Variants in NOS1AP observed in about 807,000 individuals in gnomAD.
NOS1AP encodes carboxyl-terminal PDZ ligand of neuronal nitric oxide synthase protein.
Under a neutral mutation model 56.2 loss-of-function variants are expected in NOS1AP, and 21 were observed. The observed-to-expected ratio is 0.37, with a 90% CI of 0.26 to 0.54. The LOEUF (loss-of-function observed/expected upper bound fraction) is 0.54, where lower values mean the gene tolerates loss of function less well. NOS1AP is among the 20% of genes least tolerant of loss of function. The pLI, the probability that NOS1AP is intolerant of heterozygous loss-of-function variation, is 0.84. For synonymous variants in NOS1AP, 270 were observed against 274.6 expected (o/e 0.98, Z 0.17); for missense variants, 522 against 657.8 (o/e 0.79, Z 2.26).
chr1:162,367,097 C>T lies in NOS1AP; in HGVS notation c.1151C>T (p.Ala384Val). The change falls in exon 10 of 10, where the codon GCC becomes GTC. Residue 384 changes from alanine (A) to valine (V), a missense_variant. Coordinates refer to ENST00000361897, the MANE Select transcript of NOS1AP (RefSeq NM_014697.3). This position sits in a 1 kb window ranked among gnomAD's most constrained non-coding sequence, Gnocchi z 6.5. ...CTGGAGATCACCTTCCGCTCCGGAG[C>T]CCTGCCCGTGCTCTGTGACCCCACG... ...SLLEITFRSG[A>V]LPVLCDPTTP... 2 of 1,613,968 alleles carry T rather than the reference C, an allele frequency of 1.2e-6. No individual in the cohort carries two copies. The highest frequency in any genetic ancestry group is 8.5e-7 in the Non-Finnish European group (1 of 1,180,012).
chr1:162,191,642 C>G (rs936177325), intron 2 of NOS1AP, among the ~76,000 whole-genome samples: 1 of 152,132 alleles, frequency 6.6e-6, no homozygotes, highest in Non-Finnish European at 1.5e-5. Flanking sequence ...TCCTAGATAG[C>G]TGGCTACATT....
intron 2 of NOS1AP, among the ~76,000 whole-genome samples, chr1:162,227,361 G>A (rs1652980217): frequency 6.6e-6 from 1 of 152,104 alleles, no homozygotes; most frequent in Admixed American, 6.6e-5. Context: ...CAAACACATA[G>A]GAACAATTTT....
intron 5 of NOS1AP, among the ~76,000 whole-genome samples, 190 bp from the exon 6 acceptor site, chr1:162,343,645 A>T (rs16860492): frequency 0.023 from 3,556 of 152,350 alleles, 59 homozygotes; most frequent in Middle Eastern, 0.041. Flanking sequence ...TGATTGTTTC[A>T]GCACTGTGGT....
intron 4 of NOS1AP, among the ~76,000 whole-genome samples, chr1:162,316,339 T>G (rs533426070): frequency 2.0e-5 from 3 of 152,332 alleles, no homozygotes; most frequent in Admixed American, 6.5e-5. Flanking sequence ...TTGTTCAGCT[T>G]TGCTCAGGAA....
At chr1:162,154,516 AGT>A in intron 2 of NOS1AP, 40 bp downstream of exon 2, 1 of 1,602,800 alleles carries the variant, frequency 6.2e-7, no homozygotes, top group Non-Finnish European at 8.5e-7. Context: ...CGGGGAGTCA[AGT>A]GCCTTAGCTG....
chr1:162,312,954 C>T (rs2661813), intron 4 of NOS1AP, among the ~76,000 whole-genome samples: 82,410 of 150,380 alleles, frequency 0.55, 22,777 homozygotes, highest in South Asian at 0.59. Flanking sequence ...AAACTCTCAA[C>T]AAATTAGGTA....
At chr1:162,286,528 G>A (rs1655093764) in intron 2 of NOS1AP, among the ~76,000 whole-genome samples, 1 of 152,228 alleles carries the variant, frequency 6.6e-6, no homozygotes, top group African/African-American at 2.4e-5. Context: ...TATACCACCA[G>A]TTATGAATAG....
At position 162,070,099 on chromosome 1, in the gene NOS1AP, C is replaced by T; in HGVS notation, c.-79C>T. The stretch of plus-strand genomic sequence containing the variant: ...CGCCACGCGTCGCCGCGCCCAGCTC[C>T]AGTCTCCCCTCCCCGGGGTCTCGCC... On this transcript the variant is annotated 5_prime_UTR_variant, in exon 1 of 10. Coordinates refer to ENST00000361897, the MANE Select transcript of NOS1AP (RefSeq NM_014697.3). 8.5e-7 allele frequency: 1 copy of T among 1,182,276 alleles called. No individual in the cohort carries two copies. The highest frequency in any genetic ancestry group is 1.3e-6 in the Non-Finnish European group (1 of 796,322). 73.2% of individuals were successfully genotyped at this position (1,182,276 alleles called of 1,614,324 possible).
intron 2 of NOS1AP, among the ~76,000 whole-genome samples, chr1:162,266,585 A>G (rs1392236902): frequency 1.3e-5 from 2 of 152,136 alleles, no homozygotes; most frequent in Non-Finnish European, 2.9e-5. Context: ...ATTACTTTTT[A>G]ATTTTGCATT....
intron 2 of NOS1AP, among the ~76,000 whole-genome samples, chr1:162,217,205 T>G (rs1008195886): frequency 4.0e-5 from 6 of 150,668 alleles, no homozygotes; most frequent in African/African-American, 1.5e-4. Flanking sequence ...TGGGTCCAAA[T>G]TGGTACTCTT....
chr1:162,154,962 G>A (rs1571071469), intron 2 of NOS1AP, among the ~76,000 whole-genome samples: 1 of 152,160 alleles, frequency 6.6e-6, no homozygotes, highest in Non-Finnish European at 1.5e-5. Flanking sequence ...TATAATGGAA[G>A]CTTTTATTAG....
At position 162,082,111 on chromosome 1, in the gene NOS1AP, G is replaced by T. The variant is rs539826561; in HGVS notation, c.105+11829G>T. Among the ~76,000 whole-genome samples, 4 of 151,840 alleles carry T rather than the reference G, an allele frequency of 2.6e-5. No homozygotes were observed. In the South Asian group the frequency reaches 8.3e-4, roughly 32 times the overall value. On this transcript the variant is annotated intron_variant, in intron 1 of 9. Transcript: ENST00000361897. ...CCCAACCTCTACCCTCTGAAAGGCC[G>T]CAGTGTGTGGTGTTCCCCTCTATGT...
chr1:162,099,639 T>TTTA (rs35911668), intron 1 of NOS1AP, among the ~76,000 whole-genome samples: 140,672 of 151,838 alleles, frequency 0.93, 65,446 homozygotes, highest in East Asian at 1. Context: ...TTTTTTAAAT[T>TTTA]TTATTATCAT....
chr1:162,079,388 A>T (rs1691838991), intron 1 of NOS1AP, among the ~76,000 whole-genome samples: 1 of 152,096 alleles, frequency 6.6e-6, no homozygotes. Context: ...TAATGAATTG[A>T]TGTCTTTTTT....
At position 162,142,135 on chromosome 1, in the gene NOS1AP, A is replaced by G. The variant is rs75514736; in HGVS notation, c.106-12270A>G. ...AAACAGATATTAACTCACAACTCTG[A>G]TAAGTGGAACCAGGTATAACAGGGA... On this transcript the variant is annotated intron_variant, in intron 1 of 9. Transcript: ENST00000361897. 2.4e-3 allele frequency among the ~76,000 whole-genome samples: 359 copies of G among 152,338 alleles called. 3 individuals carry two copies. The highest frequency in any genetic ancestry group is 8.2e-3 in the African/African-American group (342 of 41,590).
chr1:162,327,883 A>G (rs2101789044), intron 4 of NOS1AP, among the ~76,000 whole-genome samples: 1 of 152,386 alleles, frequency 6.6e-6, no homozygotes, highest in East Asian at 1.9e-4. Flanking sequence ...GATGGAACTC[A>G]TATTTATTGA....
At chr1:162,193,824 T>C (rs1339896764) in intron 2 of NOS1AP, among the ~76,000 whole-genome samples, 1 of 152,190 alleles carries the variant, frequency 6.6e-6, no homozygotes, top group African/African-American at 2.4e-5. Context: ...TTCCTCTCAG[T>C]ATTAGGTTCT....
At chr1:162,299,732 C>A (rs1655580108) in intron 3 of NOS1AP, among the ~76,000 whole-genome samples, 1 of 152,078 alleles carries the variant, frequency 6.6e-6, no homozygotes, top group Non-Finnish European at 1.5e-5. Flanking sequence ...GGTGTTTAAT[C>A]AAAATTCAGG....
intron 2 of NOS1AP, among the ~76,000 whole-genome samples, chr1:162,261,699 C>T (rs1379094742): frequency 2.0e-5 from 3 of 152,092 alleles, no homozygotes; most frequent in African/African-American, 4.8e-5. Context: ...CCAGAAGGAA[C>T]GCATCCCTGC....
Sources: allele counts gnomAD v4.1 joint callset (sites outside exome capture counted in the v4.1 genomes callset), GRCh38; gene constraint gnomAD v4.1.1; non-coding constraint Gnocchi (gnomAD v3.1); transcripts MANE v1.5; gene names NCBI Gene and HGNC (gene_info 2026-07-23, HGNC 2026-07-21).